The following EIF4G3 variants were observed in gnomAD, a reference collection of about 807,000 sequenced individuals.
EIF4G3 encodes the protein eIF-4-gamma 3.
Under a neutral mutation model 186.4 loss-of-function variants are expected in EIF4G3, and 34 were observed. That is an observed-to-expected ratio of 0.18 (90% CI 0.14 to 0.24). EIF4G3 has a LOEUF of 0.24. Ranked by LOEUF, EIF4G3 falls within the 10% of genes least tolerant of loss-of-function variation. The probability of loss-of-function intolerance (pLI) is 1.00; values close to 1 mark genes in which losing one functional copy is unlikely to be tolerated. For synonymous variants in EIF4G3, 673 were observed against 679.5 expected (o/e 0.99, Z 0.15); for missense variants, 1,536 against 1,948.5 (o/e 0.79, Z 3.99).
chr1:20,904,313 G>T lies in EIF4G3; in HGVS notation c.1752+570C>A, dbSNP rs114294346. Reference sequence around the variant, plus strand: ...CCAGTTAATACAAACAAAAGTTCTAGTTGGGGGAAGAGGAAGGTTAACCAA... The same window carrying T: ...CCAGTTAATACAAACAAAAGTTCTATTTGGGGGAAGAGGAAGGTTAACCAA... On this transcript the variant is annotated intron_variant, in intron 15 of 36. Coordinates refer to ENST00000602326, the MANE Select transcript of EIF4G3 (RefSeq NM_001391906.1). 4.7e-3 allele frequency among the ~76,000 whole-genome samples: 719 copies of T among 152,254 alleles called. 7 individuals are homozygous for T. Among genetic ancestry groups the T allele is most frequent in the African/African-American group, 0.017 (696 of 41,546 alleles).
At chr1:20,901,005 C>T (rs1489495481) in intron 15 of EIF4G3, among the ~76,000 whole-genome samples, 2 of 151,942 alleles carry the variant, frequency 1.3e-5, no homozygotes, top group East Asian at 1.9e-4. Flanking sequence ...GTTGAAAAGC[C>T]AATAAATTGT....
rs958537098 is a variant in EIF4G3, at chr1:21,003,157, G to C, written c.-66-349C>G. Among the ~76,000 whole-genome samples the C allele has an allele frequency of 2.1e-5, 3 of 142,708 alleles. No homozygotes were observed. In the South Asian group the frequency reaches 7.1e-4, roughly 34 times the overall value. 93.6% of individuals were successfully genotyped at this position (142,708 alleles called of 152,430 possible). Reference sequence around the variant, plus strand: ...GACTACCGGCACGCAGCACTGTGCCGGACTAATTTTTTTCTTTTTTTTTTT... The same window carrying C: ...GACTACCGGCACGCAGCACTGTGCCCGACTAATTTTTTTCTTTTTTTTTTT... On this transcript the variant is annotated intron_variant, in intron 4 of 36. Transcript: ENST00000602326.
intron 30 of EIF4G3, among the ~76,000 whole-genome samples, chr1:20,838,239 C>T (rs2067344429): frequency 6.6e-6 from 1 of 152,028 alleles, no homozygotes; most frequent in Non-Finnish European, 1.5e-5. Flanking sequence ...CAATTATAGC[C>T]AATAAAGGTA....
At chr1:20,824,490 T>C (rs1170102420) in intron 33 of EIF4G3, among the ~76,000 whole-genome samples, 2 of 152,346 alleles carry the variant, frequency 1.3e-5, no homozygotes, top group East Asian at 3.9e-4. Context: ...TTTTGTTTTC[T>C]TTCTGTTACT....
At chr1:21,060,699 C>T (rs141267426) in intron 3 of EIF4G3, among the ~76,000 whole-genome samples, 14 of 148,420 alleles carry the variant, frequency 9.4e-5, no homozygotes, top group Non-Finnish European at 4.5e-5. Context: ...CCCAACAGTT[C>T]GGCGCTGTAA....
At chr1:21,098,533 C>T (rs1301145882) in intron 2 of EIF4G3, among the ~76,000 whole-genome samples, 1 of 101,570 alleles carries the variant, frequency 9.8e-6, no homozygotes, top group Non-Finnish European at 2.0e-5. Context: ...GAGCGAGGCC[C>T]TGTCTCGAAA....
At chr1:21,143,472 T>TA (rs2097376285) in intron 2 of EIF4G3, among the ~76,000 whole-genome samples, 1 of 152,102 alleles carries the variant, frequency 6.6e-6, no homozygotes, top group South Asian at 2.1e-4. Flanking sequence ...TAAAATGCTG[T>TA]AATGGGCATA....
intron 14 of EIF4G3, among the ~76,000 whole-genome samples, chr1:20,915,493 C>G (rs903202244): frequency 2.7e-5 from 4 of 150,584 alleles, no homozygotes; most frequent in African/African-American, 7.3e-5. Flanking sequence ...AAAATTTTAG[C>G]AAGTAAAATT....
At chr1:20,971,586 T>C (rs1231265399) in intron 11 of EIF4G3, among the ~76,000 whole-genome samples, 1 of 152,254 alleles carries the variant, frequency 6.6e-6, no homozygotes, top group Non-Finnish European at 1.5e-5. Flanking sequence ...ACAAGTAATT[T>C]GTTTCTAATG....
intron 2 of EIF4G3, among the ~76,000 whole-genome samples, chr1:21,131,106 G>C (rs961696401): frequency 6.6e-6 from 1 of 151,890 alleles, no homozygotes; most frequent in Non-Finnish European, 1.5e-5. Flanking sequence ...CAGGCATGCT[G>C]GTGCGCGCCT....
At chr1:20,874,390 T>C (rs898340767) in intron 20 of EIF4G3, among the ~76,000 whole-genome samples, 1 of 152,194 alleles carries the variant, frequency 6.6e-6, no homozygotes, top group African/African-American at 2.4e-5. Context: ...TGGTATCTCA[T>C]TGTGGTTTTG....
intron 2 of EIF4G3, among the ~76,000 whole-genome samples, chr1:21,167,780 C>A (rs1351693618): frequency 2.0e-5 from 3 of 152,024 alleles, no homozygotes; most frequent in Admixed American, 2.0e-4. Context: ...AATTAGGACT[C>A]TGGCTCCCAG....
chr1:20,973,222 C>A, intron 10 of EIF4G3, 123 bp from the exon 11 acceptor site: 2 of 658,890 alleles, frequency 3.0e-6, no homozygotes, highest in South Asian at 2.0e-5. Context: ...ACTAAGCATT[C>A]TTCATCATCT....
intron 2 of EIF4G3, among the ~76,000 whole-genome samples, chr1:21,103,930 C>A (rs1053414476): frequency 5.9e-5 from 9 of 152,198 alleles, no homozygotes; most frequent in Non-Finnish European, 1.2e-4. Context: ...CTTACCATTT[C>A]ATGCTGCAGG....
At chr1:21,040,273 C>T (rs955621345) in intron 4 of EIF4G3, among the ~76,000 whole-genome samples, 4 of 152,146 alleles carry the variant, frequency 2.6e-5, no homozygotes, top group South Asian at 2.1e-4. Context: ...ACCTAGGACA[C>T]GGTTAAGTGA....
intron 36 of EIF4G3, among the ~76,000 whole-genome samples, chr1:20,808,887 G>C (rs969733096): frequency 5.3e-5 from 8 of 152,108 alleles, no homozygotes; most frequent in Non-Finnish European, 1.0e-4. Flanking sequence ...AGTTATTATA[G>C]TCAGCTCTCC....
chr1:20,909,129 G>A (rs529047532), intron 14 of EIF4G3, among the ~76,000 whole-genome samples: 11 of 151,886 alleles, frequency 7.2e-5, no homozygotes, highest in African/African-American at 2.7e-4. Flanking sequence ...TCCAGCCTGG[G>A]CGATCGAGCA....
chr1:20,985,327 C>G (rs753346885), intron 7 of EIF4G3, among the ~76,000 whole-genome samples: 18 of 152,154 alleles, frequency 1.2e-4, no homozygotes, highest in Admixed American at 3.9e-4. Context: ...GAAACTTGTT[C>G]ATATGCTAAA....
At chr1:20,830,649 G>C (rs2064892869) in intron 30 of EIF4G3, among the ~76,000 whole-genome samples, 1 of 152,170 alleles carries the variant, frequency 6.6e-6, no homozygotes, top group South Asian at 2.1e-4. Context: ...TCTTTCAGCA[G>C]TGTACCTGCT....
Sources: allele counts gnomAD v4.1 joint callset (sites outside exome capture counted in the v4.1 genomes callset), GRCh38; gene constraint gnomAD v4.1.1; transcripts MANE v1.5; gene names NCBI Gene and HGNC (gene_info 2026-07-23, HGNC 2026-07-21).